The following PCDH9 variants were observed in gnomAD, a reference collection of about 807,000 sequenced individuals.
PCDH9 encodes protocadherin 9.
Under a neutral mutation model 70.6 loss-of-function variants are expected in PCDH9, and 24 were observed. The observed-to-expected ratio is 0.34, with a 90% CI of 0.25 to 0.48. The LOEUF (loss-of-function observed/expected upper bound fraction) is 0.48, where lower values mean the gene tolerates loss of function less well. PCDH9 is among the 20% of genes least tolerant of loss of function. The probability of loss-of-function intolerance (pLI) is 0.99; values close to 1 mark genes in which losing one functional copy is unlikely to be tolerated. For missense variants in PCDH9, 1,281 were observed against 1,503.6 expected, an observed-to-expected ratio of 0.85 and a Z score of 2.45; for synonymous variants, 562 against 558.5, an observed-to-expected ratio of 1.01 and a Z score of -0.09.
At chr13:66,757,830 A>C (rs1042642664) in intron 3 of PCDH9, among the ~76,000 whole-genome samples, 1 of 152,058 alleles carries the variant, frequency 6.6e-6, no homozygotes, top group African/African-American at 2.4e-5. Flanking sequence ...AAAATATACC[A>C]ATTTCTGAGC....
At chr13:66,503,402 T>C (rs150391039) in intron 4 of PCDH9, among the ~76,000 whole-genome samples, 155 of 152,336 alleles carry the variant, frequency 1.0e-3, no homozygotes, top group Non-Finnish European at 1.9e-3. Context: ...TACTAGAATC[T>C]GCATTTACCA....
chr13:66,494,359 A>G (rs551117379), intron 4 of PCDH9, among the ~76,000 whole-genome samples: 4 of 152,312 alleles, frequency 2.6e-5, no homozygotes, highest in African/African-American at 9.6e-5. Context: ...AATAGTAGGA[A>G]TAGACAAGGT....
chr13:66,514,215 A>G (rs922434061), intron 4 of PCDH9, among the ~76,000 whole-genome samples: 1 of 152,092 alleles, frequency 6.6e-6, no homozygotes, highest in Non-Finnish European at 1.5e-5. Context: ...AAGTTCCTAA[A>G]TTGATTTTGC....
At chr13:66,459,530 T>C (rs987729566) in intron 4 of PCDH9, among the ~76,000 whole-genome samples, 18 of 151,872 alleles carry the variant, frequency 1.2e-4, no homozygotes, top group Non-Finnish European at 2.5e-4. Flanking sequence ...TATTCATTGA[T>C]GTAAGTTTCT....
At chr13:66,595,497 G>A (rs374867620) in intron 4 of PCDH9, among the ~76,000 whole-genome samples, 49 of 151,766 alleles carry the variant, frequency 3.2e-4, no homozygotes, top group African/African-American at 1.1e-3. Flanking sequence ...TTCTTTCTGT[G>A]TTTGCAGTCT....
chr13:66,822,121 A>G (rs566637022), intron 3 of PCDH9, among the ~76,000 whole-genome samples: 2 of 123,204 alleles, frequency 1.6e-5, no homozygotes, highest in East Asian at 2.4e-4. Context: ...AATAAGGTTG[A>G]CCCATCACAC....
chr13:66,956,499 C>T (rs1344817025), intron 2 of PCDH9, among the ~76,000 whole-genome samples: 1 of 152,136 alleles, frequency 6.6e-6, no homozygotes, highest in Non-Finnish European at 1.5e-5. Flanking sequence ...TGCCTGTAAT[C>T]CCAGCAATTT....
intron 2 of PCDH9, among the ~76,000 whole-genome samples, chr13:67,064,247 T>C (rs1313425193): frequency 6.6e-6 from 1 of 152,094 alleles, no homozygotes; most frequent in Non-Finnish European, 1.5e-5. Flanking sequence ...CAGCTCCAAC[T>C]CATTCTATGG....
chr13:66,538,748 T>C (rs1960814824), intron 4 of PCDH9, among the ~76,000 whole-genome samples: 1 of 111,158 alleles, frequency 9.0e-6, no homozygotes, highest in Admixed American at 1.1e-4. Context: ...TAAAGTTTAA[T>C]CAAGTATCTG....
Position 67,089,292 on chromosome 13 carries a change from A to G in PCDH9, c.3036+136113T>C, listed in dbSNP as rs148027871. On this transcript the variant is annotated intron_variant, in intron 2 of 4. Transcript: ENST00000377865. ...GTCCATTTATATGGGATTGTATTTT[A>G]TTTGGCTTTTTAATAAGTTATCTGC... 1.5e-4 allele frequency among the ~76,000 whole-genome samples: 23 copies of G among 152,158 alleles called. No homozygotes were observed. In the East Asian group the frequency reaches 4.4e-3, roughly 29 times the overall value.
At chr13:66,791,259 G>A (rs1042747520) in intron 3 of PCDH9, among the ~76,000 whole-genome samples, 2 of 152,014 alleles carry the variant, frequency 1.3e-5, no homozygotes, top group African/African-American at 4.8e-5. Context: ...AGGATTTAAT[G>A]TTTGACAATT....
At chr13:66,934,758 T>C (rs1482094779) in intron 2 of PCDH9, among the ~76,000 whole-genome samples, 8 of 107,396 alleles carry the variant, frequency 7.4e-5, no homozygotes, top group African/African-American at 2.9e-4. Flanking sequence ...TCTCGCTCTG[T>C]CGCCCAGGCT....
intron 3 of PCDH9, among the ~76,000 whole-genome samples, chr13:66,709,110 C>A (rs754704876): frequency 6.6e-6 from 1 of 152,100 alleles, no homozygotes; most frequent in African/African-American, 2.4e-5. Flanking sequence ...CACGACTTGA[C>A]AATTGATTTC....
chr13:66,944,749 TA>T (rs1376769877), intron 2 of PCDH9, among the ~76,000 whole-genome samples: 1 of 152,126 alleles, frequency 6.6e-6, no homozygotes, highest in East Asian at 1.9e-4. Flanking sequence ...TGGGCAAATG[TA>T]ATTTTATCAT....
intron 3 of PCDH9, among the ~76,000 whole-genome samples, chr13:66,853,855 A>G (rs1177592802): frequency 2.0e-5 from 3 of 152,122 alleles, no homozygotes; most frequent in African/African-American, 7.2e-5. Context: ...GACTAAAAGC[A>G]CATGCCACCA....
intron 2 of PCDH9, among the ~76,000 whole-genome samples, chr13:66,946,490 C>T (rs899895130): frequency 2.6e-5 from 4 of 151,888 alleles, no homozygotes; most frequent in Admixed American, 6.6e-5. Flanking sequence ...GGCAACACAG[C>T]GAGATCCCAT....
intron 2 of PCDH9, among the ~76,000 whole-genome samples, chr13:67,009,835 A>G (rs1290548529): frequency 6.6e-6 from 1 of 151,926 alleles, no homozygotes; most frequent in African/African-American, 2.4e-5. Context: ...CAATATAGTT[A>G]TTATCAATAA....
intron 3 of PCDH9, among the ~76,000 whole-genome samples, chr13:66,780,143 A>T (rs1424474309): frequency 6.6e-6 from 1 of 152,010 alleles, no homozygotes; most frequent in Non-Finnish European, 1.5e-5. Context: ...GAGATGATGC[A>T]TAAGTATGAT....
chr13:67,008,954 A>G (rs997737395), intron 2 of PCDH9, among the ~76,000 whole-genome samples: 2 of 152,176 alleles, frequency 1.3e-5, no homozygotes, highest in Non-Finnish European at 2.9e-5. Flanking sequence ...TATTAAACAC[A>G]TTCTATCAAC....
Sources: allele counts gnomAD v4.1 joint callset (sites outside exome capture counted in the v4.1 genomes callset), GRCh38; gene constraint gnomAD v4.1.1; transcripts MANE v1.5; gene names NCBI Gene and HGNC (gene_info 2026-07-23, HGNC 2026-07-21).